Variants in ITPR2 observed in about 807,000 individuals in gnomAD.
The protein encoded by ITPR2 is inositol 1,4,5-trisphosphate receptor type 2.
A neutral mutation model predicts 317.1 loss-of-function variants in ITPR2; 207 were observed. The ratio of observed to expected loss-of-function variants is 0.65; its 90% confidence interval spans 0.58 to 0.73. ITPR2 has a LOEUF of 0.73. Among genes scored for constraint, ITPR2 ranks in the 30% least tolerant of loss-of-function variants. The probability of loss-of-function intolerance (pLI) is 0.00; values close to 1 mark genes in which losing one functional copy is unlikely to be tolerated. For synonymous variants in ITPR2, 1,156 were observed against 1,149.1 expected, an observed-to-expected ratio of 1.01 and a Z score of -0.12; for missense variants, 2,613 against 3,284.0, an observed-to-expected ratio of 0.80 and a Z score of 4.99.
At chr12:26,643,460 T>C (rs990673052) in intron 21 of ITPR2, among the ~76,000 whole-genome samples, 6 of 152,212 alleles carry the variant, frequency 3.9e-5, no homozygotes, top group Admixed American at 2.6e-4. Flanking sequence ...GATGATTCTG[T>C]GAAGTCTCAG....
chr12:26,406,328 G>A (rs1940347104), intron 52 of ITPR2: 1 of 149,368 alleles, frequency 6.7e-6, no homozygotes, highest in African/African-American at 2.5e-5. Context: ...TAAAATAATT[G>A]TAATTGTATT....
chr12:26,793,518 T>C (rs1228686104), intron 1 of ITPR2, among the ~76,000 whole-genome samples: 1 of 152,172 alleles, frequency 6.6e-6, no homozygotes, highest in African/African-American at 2.4e-5. Flanking sequence ...TAGGCTATCC[T>C]CTACCAATAG....
At chr12:26,789,740 T>C (rs1032453262) in intron 2 of ITPR2, among the ~76,000 whole-genome samples, 1 of 152,246 alleles carries the variant, frequency 6.6e-6, no homozygotes, top group African/African-American at 2.4e-5. Flanking sequence ...ATAAAATTGC[T>C]ATTTTAAAAA....
chr12:26,385,933 C>T (rs1366126552), intron 55 of ITPR2, among the ~76,000 whole-genome samples: 1 of 152,090 alleles, frequency 6.6e-6, no homozygotes, highest in Admixed American at 6.6e-5. Context: ...TCCCCCCTTC[C>T]TCTTACTAAG....
intron 48 of ITPR2, among the ~76,000 whole-genome samples, chr12:26,434,506 T>C (rs759878617): frequency 6.6e-6 from 1 of 152,024 alleles, no homozygotes. Context: ...TCATGTACAA[T>C]AGGTGGCAGC....
chr12:26,404,041 G>C (rs1024358996), intron 52 of ITPR2, among the ~76,000 whole-genome samples: 2 of 152,176 alleles, frequency 1.3e-5, no homozygotes, highest in African/African-American at 4.8e-5. Context: ...AAATAGTCTA[G>C]TGGTGATATA....
chr12:26,596,931 CG>C lies in ITPR2; in HGVS notation c.4205del (p.Pro1402ArgfsTer5). 1 of 1,594,132 alleles carries C rather than the reference CG, an allele frequency of 6.3e-7. No homozygotes were observed. The highest frequency in any genetic ancestry group is 8.6e-7 in the Non-Finnish European group (1 of 1,169,296). On this transcript the variant is annotated frameshift_variant, in exon 31 of 57. Coordinates refer to ENST00000381340, the MANE Select transcript of ITPR2 (RefSeq NM_002223.4). LOFTEE classifies it high-confidence loss of function. ...YTEIKCNSLL[P>X]LDDIVRVVTH... ...TCACCACCCTCACTATGTCGTCCAGCGGGAGAAGGGAATTACACTTGATTTC... is the reference window on the plus strand; with the variant it reads ...TCACCACCCTCACTATGTCGTCCAGCGGAGAAGGGAATTACACTTGATTTC...
Position 26,481,145 on chromosome 12 carries a change from C to A in ITPR2, c.6109G>T (p.Val2037Leu). Residue 2037 changes from valine to leucine, a missense_variant, in exon 43 of 57, where the codon GTG becomes TTG. By Grantham distance (32) the Val-to-Leu change is conservative. Transcript: ENST00000381340. ...NPLGKYRMDLVLQLKNNASKL... is the reference protein window; with the variant it reads ...NPLGKYRMDLLLQLKNNASKL... ...AATCGCTCTACCTTTAGCTGGAGCA[C>A]CAGGTCCATTCGGTATTTACCAAGA... The A allele has an allele frequency of 6.2e-7, 1 of 1,606,910 alleles. No individual in the cohort carries two copies. Among genetic ancestry groups the A allele is most frequent in the Non-Finnish European group, 8.5e-7 (1 of 1,173,538 alleles).
chr12:26,604,104 C>T (rs1946065244), intron 26 of ITPR2, among the ~76,000 whole-genome samples: 1 of 152,078 alleles, frequency 6.6e-6, no homozygotes, highest in Non-Finnish European at 1.5e-5. Flanking sequence ...TACTGTGCTC[C>T]AGGACAAATC....
In ITPR2 at chr12:26,772,503, G is replaced by A. The variant is rs7969696; in HGVS notation, c.163+17654C>T. 2.0e-3 allele frequency among the ~76,000 whole-genome samples: 200 copies of A among 99,990 alleles called. 1 individual carries two copies. Among genetic ancestry groups the A allele is most frequent in the Non-Finnish European group, 2.8e-3 (121 of 43,802 alleles). 65.6% of individuals were successfully genotyped at this position (99,990 alleles called of 152,430 possible). A position where few individuals can be genotyped will look rare whatever the true frequency, so the allele number is the denominator to read the frequency against. On this transcript the variant is annotated intron_variant, in intron 2 of 56. Coordinates refer to ENST00000381340, the MANE Select transcript of ITPR2 (RefSeq NM_002223.4). ...AATATATATAATACATATAATACATGTATTATATATAATACATTATTATAT... is the reference window on the plus strand; with the variant it reads ...AATATATATAATACATATAATACATATATTATATATAATACATTATTATAT...
chr12:26,746,584 C>A (rs1949329011), intron 2 of ITPR2, among the ~76,000 whole-genome samples: 1 of 152,170 alleles, frequency 6.6e-6, no homozygotes, highest in Admixed American at 6.5e-5. Flanking sequence ...ATTCATACCA[C>A]CCCTGGCTTG....
At chr12:26,395,160 G>A (rs181426003) in intron 54 of ITPR2, among the ~76,000 whole-genome samples, 1 of 152,210 alleles carries the variant, frequency 6.6e-6, no homozygotes, top group Non-Finnish European at 1.5e-5. Context: ...TGTCAAAGAG[G>A]AGGACAGAGA....
chr12:26,737,375 C>T (rs973689119), intron 2 of ITPR2, among the ~76,000 whole-genome samples: 12 of 152,044 alleles, frequency 7.9e-5, no homozygotes, highest in Admixed American at 7.2e-4. Context: ...CCTGTCTCAG[C>T]CTCCTGAGTA....
intron 2 of ITPR2, among the ~76,000 whole-genome samples, chr12:26,741,014 A>G (rs1949220433): frequency 6.6e-6 from 1 of 152,278 alleles, no homozygotes; most frequent in African/African-American, 2.4e-5. Flanking sequence ...TTTAAAAATC[A>G]TTTAGAAAAG....
At chr12:26,485,984 T>C (rs1942655567) in intron 41 of ITPR2, 120 bp downstream of exon 41, 10 of 1,084,626 alleles carry the variant, frequency 9.2e-6, no homozygotes, top group South Asian at 1.5e-5. Flanking sequence ...AGGAGCACTA[T>C]TGCTTTTATT....
rs994926354 is a variant in ITPR2 at position 26,339,004 on chromosome 12, A to C, written c.*393T>G. On this transcript the variant is annotated 3_prime_UTR_variant, in exon 57 of 57. Transcript: ENST00000381340. ...AACCTATATGCCACAATTAAAAGAA[A>C]GAAATTCCAGCCAACCATGTCAGTG... is the stretch of plus-strand genomic sequence containing the variant. 1 of 159,160 alleles carries C rather than the reference A, an allele frequency of 6.3e-6. No homozygotes were observed. The highest frequency in any genetic ancestry group is 2.4e-5 in the African/African-American group (1 of 41,710). The allele number at this position is 159,160 out of a possible 1,614,324, so 9.9% of individuals were successfully genotyped here. A position where few individuals can be genotyped will look rare whatever the true frequency, so the allele number is the denominator to read the frequency against.
intron 9 of ITPR2, among the ~76,000 whole-genome samples, chr12:26,705,579 G>A (rs1168781438): frequency 2.0e-5 from 3 of 152,134 alleles, no homozygotes; most frequent in Admixed American, 2.0e-4. Context: ...ACTTCCAGAC[G>A]TTTTGAAATC....
At chr12:26,704,084 A>C (rs1948504571) in intron 9 of ITPR2, among the ~76,000 whole-genome samples, 1 of 152,240 alleles carries the variant, frequency 6.6e-6, no homozygotes, top group South Asian at 2.1e-4. Flanking sequence ...TAAAATGCTC[A>C]ATGAACTCTA....
At chr12:26,559,176 C>G (rs1257130998) in intron 35 of ITPR2, among the ~76,000 whole-genome samples, 2 of 152,206 alleles carry the variant, frequency 1.3e-5, no homozygotes, top group African/African-American at 4.8e-5. Context: ...TCTTATAATA[C>G]ACTCAGAATT....
Sources: gnomAD v4.1 joint callset for allele counts (sites outside exome capture counted in the v4.1 genomes callset) on GRCh38, gnomAD v4.1.1 for gene constraint, MANE v1.5 for transcripts, NCBI Gene and HGNC (gene_info 2026-07-23, HGNC 2026-07-21) for gene names.